The following UBE2G1 variants were observed in gnomAD, a reference collection of about 807,000 sequenced individuals.
UBE2G1 encodes the protein ubiquitin-conjugating enzyme E2 G1.
UBE2G1 carries 5 observed loss-of-function variants against 22.7 expected under a neutral mutation model. The observed-to-expected ratio is 0.22, with a 90% CI of 0.12 to 0.46. UBE2G1 has a LOEUF of 0.46. UBE2G1 is among the 20% of genes least tolerant of loss of function. The pLI, the probability that UBE2G1 is intolerant of heterozygous loss-of-function variation, is 0.99. For synonymous variants in UBE2G1, 74 were observed against 67.5 expected (o/e 1.10, Z -0.47); for missense variants, 88 against 203.9 (o/e 0.43, Z 3.46).
At chr17:4,323,850 AG>A (rs1367230796) in intron 1 of UBE2G1, among the ~76,000 whole-genome samples, 1 of 152,190 alleles carries the variant, frequency 6.6e-6, no homozygotes, top group African/African-American at 2.4e-5. Context: ...GCCAGTAACT[AG>A]TATTTTTAAT....
chr17:4,305,413 G>A lies in UBE2G1; in HGVS notation c.149+1608C>T, dbSNP rs570909579. Among the ~76,000 whole-genome samples, 5 of 152,302 alleles carry A rather than the reference G, an allele frequency of 3.3e-5. No individual in the cohort carries two copies. The East Asian group carries it at 7.7e-4, about 23-fold the overall frequency. Reference sequence around the variant, plus strand: ...AGGCTAGTGATCTCAGGAAGGCACAGTCCAGAAGTGACCACCAGTATTCTC... The same window carrying A: ...AGGCTAGTGATCTCAGGAAGGCACAATCCAGAAGTGACCACCAGTATTCTC... On this transcript the variant is annotated intron_variant, in intron 2 of 5. Transcript: ENST00000396981.
intron 4 of UBE2G1, 42 bp from the exon 5 acceptor site, chr17:4,282,963 TCC>T: frequency 6.9e-7 from 1 of 1,454,806 alleles, no homozygotes; most frequent in Non-Finnish European, 9.6e-7. Context: ...TCATGCAAAC[TCC>T]CCTTTATAAT....
intron 4 of UBE2G1, among the ~76,000 whole-genome samples, chr17:4,284,942 A>G (rs1169756865): frequency 6.8e-6 from 1 of 147,474 alleles, no homozygotes; most frequent in East Asian, 2.0e-4. Context: ...ACCTGGGCTC[A>G]TGCAATCAAT....
intron 1 of UBE2G1, among the ~76,000 whole-genome samples, chr17:4,313,519 A>G (rs1368495353): frequency 6.6e-6 from 1 of 152,202 alleles, no homozygotes; most frequent in African/African-American, 2.4e-5. Flanking sequence ...AAAGGGCTAG[A>G]AAGACCTCTC....
intron 1 of UBE2G1, among the ~76,000 whole-genome samples, chr17:4,315,943 G>A (rs1032899926): frequency 2.0e-5 from 3 of 149,200 alleles, no homozygotes; most frequent in Admixed American, 6.7e-5. Flanking sequence ...GAGTAGCTGG[G>A]ACTACAGGCG....
chr17:4,314,798 A>G, intron 1 of UBE2G1, among the ~76,000 whole-genome samples: 1 of 152,230 alleles, frequency 6.6e-6, no homozygotes, highest in Non-Finnish European at 1.5e-5. Flanking sequence ...TAACTAATTC[A>G]CAAAGAACAG....
intron 5 of UBE2G1, among the ~76,000 whole-genome samples, chr17:4,274,047 C>T (rs748919160): frequency 6.6e-6 from 1 of 151,762 alleles, no homozygotes; most frequent in African/African-American, 2.4e-5. Context: ...GTGGCGCGAT[C>T]TCGGCTCACT....
chr17:4,314,558 T>C (rs779581241), intron 1 of UBE2G1, among the ~76,000 whole-genome samples: 9 of 152,240 alleles, frequency 5.9e-5, no homozygotes, highest in Non-Finnish European at 1.0e-4. Flanking sequence ...ACACAAATTA[T>C]ATTGCCAAGT....
chr17:4,277,795 A>AG (rs1487928683), intron 5 of UBE2G1, among the ~76,000 whole-genome samples: 3 of 151,496 alleles, frequency 2.0e-5, no homozygotes, highest in Non-Finnish European at 1.5e-5. Flanking sequence ...GAAAACACAA[A>AG]AAATACTCAG....
chr17:4,284,851 T>C (rs867473159), intron 4 of UBE2G1, among the ~76,000 whole-genome samples: 103 of 134,646 alleles, frequency 7.6e-4, no homozygotes, highest in African/African-American at 2.8e-3. Flanking sequence ...TTTTTTTTTT[T>C]TTTTTTTTTT....
At chr17:4,273,430 C>T (rs910824332) in intron 5 of UBE2G1, among the ~76,000 whole-genome samples, 1 of 152,122 alleles carries the variant, frequency 6.6e-6, no homozygotes, top group Admixed American at 6.5e-5. Context: ...TCACTGCAGC[C>T]TCTGGGCTCA....
At chr17:4,344,146 A>G (rs1969742759) in intron 1 of UBE2G1, among the ~76,000 whole-genome samples, 1 of 152,222 alleles carries the variant, frequency 6.6e-6, no homozygotes, top group South Asian at 2.1e-4. Context: ...CATAGGAGGA[A>G]TAAATTGCAT....
At chr17:4,309,889 T>C (rs1969289175) in intron 1 of UBE2G1, among the ~76,000 whole-genome samples, 1 of 152,234 alleles carries the variant, frequency 6.6e-6, no homozygotes, top group Non-Finnish European at 1.5e-5. Context: ...AAGCATATCA[T>C]TGCTTCTTAC....
At chr17:4,301,594 T>TA (rs1969180829) in intron 2 of UBE2G1, 12 of 1,254,324 alleles carry the variant, frequency 9.6e-6, no homozygotes, top group Non-Finnish European at 1.4e-5. Flanking sequence ...GGTGGCTTTT[T>TA]AAAAGACCGA....
At chr17:4,359,276 G>T (rs1014068621) in intron 1 of UBE2G1, among the ~76,000 whole-genome samples, 1 of 152,098 alleles carries the variant, frequency 6.6e-6, no homozygotes, top group Non-Finnish European at 1.5e-5. Context: ...AAAATTTAAG[G>T]TCTTTGTTTT....
intron 2 of UBE2G1, chr17:4,302,553 A>G: frequency 5.2e-6 from 2 of 381,336 alleles, no homozygotes; most frequent in South Asian, 4.7e-5. Context: ...ACTGGGGGAT[A>G]TTTGTTTTTA....
rs187189866 is a variant in UBE2G1, at chr17:4,344,827, T to C, written c.46+21444A>G. Among the ~76,000 whole-genome samples the C allele has an allele frequency of 7.6e-4, 115 of 152,212 alleles. 3 individuals carry two copies. The East Asian group carries it at 0.015, about 20-fold the overall frequency. On this transcript the variant is annotated intron_variant, in intron 1 of 5. Coordinates refer to ENST00000396981, the MANE Select transcript of UBE2G1 (RefSeq NM_003342.5). The stretch of plus-strand genomic sequence containing the variant: ...AGTGAGCTATCACTGTGCCACCTCA[T>C]TGCAGCCTGGGCTACAGAGACTCTG...
chr17:4,318,687 T>C (rs1208146117), intron 1 of UBE2G1, among the ~76,000 whole-genome samples: 3 of 152,186 alleles, frequency 2.0e-5, no homozygotes, highest in Non-Finnish European at 2.9e-5. Flanking sequence ...TCCCAGTTGG[T>C]CCCTAATCAG....
chr17:4,309,075 C>T (rs888418747), intron 1 of UBE2G1, among the ~76,000 whole-genome samples: 1 of 152,088 alleles, frequency 6.6e-6, no homozygotes, highest in African/African-American at 2.4e-5. Flanking sequence ...GCCTGGCCAA[C>T]ATGGTGAAAC....
Sources: allele counts gnomAD v4.1 joint callset (sites outside exome capture counted in the v4.1 genomes callset), GRCh38; gene constraint gnomAD v4.1.1; transcripts MANE v1.5; gene names NCBI Gene and HGNC (gene_info 2026-07-23, HGNC 2026-07-21).